The following GNA15 variants were observed in gnomAD, a reference collection of about 807,000 sequenced individuals.
The protein encoded by GNA15 is G protein subunit alpha 15, also known as guanine nucleotide-binding protein subunit alpha-15.
GNA15 carries 23 observed loss-of-function variants against 40.1 expected under a neutral mutation model. The ratio of observed to expected loss-of-function variants is 0.57; its 90% CI spans 0.41 to 0.81. The LOEUF (loss-of-function observed/expected upper bound fraction) is 0.81. GNA15 is among the 40% of genes least tolerant of loss of function. The probability of loss-of-function intolerance (pLI) is 0.00; values close to 1 mark genes in which losing one functional copy is unlikely to be tolerated. For synonymous variants in GNA15, 226 were observed against 210.4 expected (o/e 1.07, Z -0.64); for missense variants, 522 against 515.8 (o/e 1.01, Z -0.12).
chr19:3,142,590 G>T (rs1324574051), intron 1 of GNA15, among the ~76,000 whole-genome samples: 2 of 152,192 alleles, frequency 1.3e-5, no homozygotes, highest in Non-Finnish European at 2.9e-5. Context: ...TCCAGTCCTG[G>T]CTGGGCGCGG....
rs774252847 is a variant in GNA15 at position 3,162,800 on chromosome 19, G to A, written c.906G>A (p.Lys302=). 6.2e-7 allele frequency: 1 copy of A among 1,612,750 alleles called. No homozygotes were observed. Among genetic ancestry groups the A allele is most frequent in the South Asian group, 1.1e-5 (1 of 91,062 alleles). Residue 302 remains lysine, a synonymous_variant, in exon 7 of 7, where the codon AAG becomes AAA. Coordinates refer to ENST00000262958, the MANE Select transcript of GNA15 (RefSeq NM_002068.4). ...CCCACACTGTTTCCCCAGGCCCTAAGCAGGATGCTGAGGCAGCCAAGAGGT... is the reference window on the plus strand; with the variant it reads ...CCCACACTGTTTCCCCAGGCCCTAAACAGGATGCTGAGGCAGCCAAGAGGT... ...ATYFPSFQGP[K]QDAEAAKRFI...
Position 3,155,987 on chromosome 19 carries a change from T to C in GNA15, c.744+35T>C. On this transcript the variant is annotated intron_variant, in intron 5 of 6. Transcript: ENST00000262958. The surrounding 1 kb of genome is among the most constrained non-coding windows in gnomAD (Gnocchi z 5.6). ...CGCCTCCCTCGCCCTGCCCACTTGTTGGCCCAGGGACCCTCACCTGAGCAG... is the reference window on the plus strand; with the variant it reads ...CGCCTCCCTCGCCCTGCCCACTTGTCGGCCCAGGGACCCTCACCTGAGCAG... 1 of 1,605,042 alleles carries C rather than the reference T, an allele frequency of 6.2e-7. No homozygotes were observed.
chr19:3,156,379 C>T (rs1599329345), intron 5 of GNA15, among the ~76,000 whole-genome samples: 1 of 151,608 alleles, frequency 6.6e-6, no homozygotes, highest in Non-Finnish European at 1.5e-5. Context: ...CATGCACTCA[C>T]GTGCACAATA....
chr19:3,152,134 G>C (rs1295099373), intron 4 of GNA15, among the ~76,000 whole-genome samples: 1 of 152,174 alleles, frequency 6.6e-6, no homozygotes, highest in Non-Finnish European at 1.5e-5. Flanking sequence ...TAACCCTGAA[G>C]GGGCTGCTGG....
chr19:3,151,949 G>A lies in GNA15; in HGVS notation c.614+114G>A, dbSNP rs1183496504. 4.1e-6 allele frequency: 3 copies of A among 727,260 alleles called. No individual in the cohort carries two copies. Among genetic ancestry groups the A allele is most frequent in the Non-Finnish European group, 6.5e-6 (3 of 464,996 alleles). 45.1% of individuals were successfully genotyped at this position (727,260 alleles called of 1,614,324 possible). A position where few individuals can be genotyped will look rare whatever the true frequency, so the allele number is the denominator to read the frequency against. On this transcript the variant is annotated intron_variant, in intron 4 of 6. Transcript: ENST00000262958. This position sits in a 1 kb window ranked among gnomAD's most constrained non-coding sequence, Gnocchi z 5.0. ...GAGTTTCTTAGGCCCAGCCTTCAAGGAGCTGCCAAGCTAGGGGAAGCAAAG... is the reference window on the plus strand; with the variant it reads ...GAGTTTCTTAGGCCCAGCCTTCAAGAAGCTGCCAAGCTAGGGGAAGCAAAG...
chr19:3,163,708 A>C lies in GNA15; in HGVS notation c.*689A>C, dbSNP rs529127945. 5 of 152,296 alleles carry C rather than the reference A, an allele frequency of 3.3e-5. No individual in the cohort carries two copies. Among genetic ancestry groups the C allele is most frequent in the African/African-American group, 9.6e-5 (4 of 41,558 alleles). 9.4% of individuals were successfully genotyped at this position (152,296 alleles called of 1,614,324 possible). On this transcript the variant is annotated 3_prime_UTR_variant, in exon 7 of 7. Coordinates refer to ENST00000262958, the MANE Select transcript of GNA15 (RefSeq NM_002068.4). ...TTGTATTTATTCCCTCACCTTCTGC[A>C]GGGCTCCGTGCGGGCTGAAATTAAA...
Position 3,151,124 on chromosome 19 carries a change from G to A in GNA15, c.486-583G>A, listed in dbSNP as rs565179423. Among the ~76,000 whole-genome samples the A allele has an allele frequency of 1.3e-5, 2 of 151,666 alleles. No individual in the cohort carries two copies. Among genetic ancestry groups the A allele is most frequent in the South Asian group, 4.2e-4 (2 of 4,804 alleles). On this transcript the variant is annotated intron_variant, in intron 3 of 6. Transcript: ENST00000262958. The surrounding 1 kb of genome is among the most constrained non-coding windows in gnomAD (Gnocchi z 5.0). The stretch of plus-strand genomic sequence containing the variant: ...TTCCCGGAGTGACCCTATTCCTGGC[G>A]GGAACCTGTTCCTAGAGTGCCCCTG...
chr19:3,156,011 A>G, intron 5 of GNA15, 59 bp downstream of exon 5: 1 of 1,527,548 alleles, frequency 6.5e-7, no homozygotes. Context: ...TCACCTGAGC[A>G]GGAAGCTCTG....
intron 1 of GNA15, among the ~76,000 whole-genome samples, chr19:3,140,788 T>A (rs12975183): frequency 6.6e-6 from 1 of 152,020 alleles, no homozygotes; most frequent in Non-Finnish European, 1.5e-5. Context: ...TGGGGAGAAC[T>A]TCCCCCAGAC....
At chr19:3,147,602 A>G (rs570417185) in intron 1 of GNA15, among the ~76,000 whole-genome samples, 1 of 144,540 alleles carries the variant, frequency 6.9e-6, no homozygotes, top group Non-Finnish European at 1.5e-5. Flanking sequence ...ATAACCATAA[A>G]AAGTATTAAA....
intron 1 of GNA15, among the ~76,000 whole-genome samples, chr19:3,146,195 C>T (rs945898817): frequency 1.3e-5 from 2 of 152,156 alleles, no homozygotes; most frequent in Non-Finnish European, 2.9e-5. Context: ...CAGAAGCAGT[C>T]CCATCCCCTC....
intron 1 of GNA15, among the ~76,000 whole-genome samples, chr19:3,145,785 T>A (rs1413895951): frequency 1.3e-5 from 2 of 150,226 alleles, no homozygotes; most frequent in Non-Finnish European, 3.0e-5. Flanking sequence ...TGACCTCAAG[T>A]GATCTGGCCA....
At position 3,155,441 on chromosome 19, in the gene GNA15, G is replaced by A. The variant is rs1914988247; in HGVS notation, c.615-382G>A. Among the ~76,000 whole-genome samples the A allele has an allele frequency of 6.6e-6, 1 of 152,154 alleles. No homozygotes were observed. Among genetic ancestry groups the A allele is most frequent in the Non-Finnish European group, 1.5e-5 (1 of 68,034 alleles). On this transcript the variant is annotated intron_variant, in intron 4 of 6. Transcript: ENST00000262958. This position sits in a 1 kb window ranked among gnomAD's most constrained non-coding sequence, Gnocchi z 5.6. ...ATGCCCATGGCCAGCCAGAGCACAG[G>A]AGCCCCATAGCACAGATGGGAAAAC... is the stretch of plus-strand genomic sequence containing the variant.
chr19:3,156,004 C>G (rs1286360027), intron 5 of GNA15, 52 bp downstream of exon 5: 1 of 1,570,734 alleles, frequency 6.4e-7, no homozygotes, highest in South Asian at 1.1e-5. Context: ...GGGACCCTCA[C>G]CTGAGCAGGA....
At chr19:3,162,198 G>C (rs1682803) in intron 6 of GNA15, among the ~76,000 whole-genome samples, 178 of 151,820 alleles carry the variant, frequency 1.2e-3, no homozygotes, top group Non-Finnish European at 2.0e-3. Flanking sequence ...CAGCGCTTTG[G>C]GGGGGTCAAG....
intron 2 of GNA15, chr19:3,149,888 C>T: frequency 1.3e-5 from 6 of 449,284 alleles, no homozygotes; most frequent in Non-Finnish European, 2.4e-5. Flanking sequence ...TGGGCTCGCC[C>T]GAGCACATGT....
At chr19:3,154,077 T>G (rs1914944871) in intron 4 of GNA15, among the ~76,000 whole-genome samples, 1 of 148,080 alleles carries the variant, frequency 6.8e-6, no homozygotes, top group African/African-American at 2.5e-5. Flanking sequence ...GATGGATGAA[T>G]AGATGGGTAG....
chr19:3,144,013 G>A (rs1324258958), intron 1 of GNA15, among the ~76,000 whole-genome samples: 2 of 151,512 alleles, frequency 1.3e-5, no homozygotes, highest in African/African-American at 4.9e-5. Flanking sequence ...CGTCCCAGCT[G>A]CTTGGGAGGC....
chr19:3,148,505 G>A (rs1405207506), intron 1 of GNA15, 86 bp from the exon 2 acceptor site: 3 of 1,329,116 alleles, frequency 2.3e-6, no homozygotes, highest in Non-Finnish European at 3.1e-6. Flanking sequence ...GCCTGGCGTG[G>A]AGTTGGGGGT....
Sources: gnomAD v4.1 joint callset for allele counts (sites outside exome capture counted in the v4.1 genomes callset) on GRCh38, gnomAD v4.1.1 for gene constraint, Gnocchi (gnomAD v3.1) non-coding constraint, MANE v1.5 for transcripts, NCBI Gene and HGNC (gene_info 2026-07-23, HGNC 2026-07-21) for gene names.